The following TRPV4 variants were observed in gnomAD, a reference collection of about 807,000 sequenced individuals.
The protein encoded by TRPV4 is OSM9-like transient receptor potential channel 4.
A neutral mutation model predicts 84.1 loss-of-function variants in TRPV4; 58 were observed. The observed-to-expected ratio is 0.69, with a 90% confidence interval of 0.56 to 0.86. TRPV4 has a LOEUF of 0.86. TRPV4 is among the 40% of genes least tolerant of loss of function. The pLI, the probability that TRPV4 is intolerant of heterozygous loss-of-function variation, is 0.00. For synonymous variants in TRPV4, 489 were observed against 500.9 expected (o/e 0.98, Z 0.32); for missense variants, 879 against 1,181.1 (o/e 0.74, Z 3.75).
chr12:109,783,798 G>A lies in TRPV4; in HGVS notation c.2459-20C>T. 6.2e-7 allele frequency: 1 copy of A among 1,609,882 alleles called. No homozygotes were observed. The highest frequency in any genetic ancestry group is 8.5e-7 in the Non-Finnish European group (1 of 1,179,914). On this transcript the variant is annotated intron_variant, in intron 15 of 15. Coordinates refer to ENST00000261740, the MANE Select transcript of TRPV4 (RefSeq NM_021625.5). The surrounding 1 kb of genome is among the most constrained non-coding windows in gnomAD (Gnocchi z 4.6). ...AGCGATCTGCACCGAGAGCACATCA[G>A]AGGGAGGGGTGGGGGTTGGTGGAGA... is the stretch of plus-strand genomic sequence containing the variant.
intron 1 of TRPV4, among the ~76,000 whole-genome samples, 158 bp downstream of exon 1, chr12:109,833,192 C>G (rs1484618758): frequency 6.6e-6 from 1 of 152,230 alleles, no homozygotes; most frequent in African/African-American, 2.4e-5. Context: ...AGCTGAGAGG[C>G]TGGCGCCTGC....
intron 1 of TRPV4, among the ~76,000 whole-genome samples, chr12:109,828,362 A>G (rs549398117): frequency 8.5e-4 from 130 of 152,190 alleles, no homozygotes; most frequent in Middle Eastern, 3.4e-3. Context: ...GGGGAAACCA[A>G]TGCTCAGGAA....
At chr12:109,809,061 TCATC>T (rs1240315463) in intron 2 of TRPV4, among the ~76,000 whole-genome samples, 3 of 123,038 alleles carry the variant, frequency 2.4e-5, no homozygotes, top group Non-Finnish European at 5.0e-5. Flanking sequence ...CATCCATCAC[TCATC>T]CATCCATCTG....
At position 109,814,872 on chromosome 12, in the gene TRPV4, C is replaced by G; in HGVS notation, c.-31-45G>C. 2 of 1,518,924 alleles carry G rather than the reference C, an allele frequency of 1.3e-6. No homozygotes were observed. The highest frequency in any genetic ancestry group is 1.8e-6 in the Non-Finnish European group (2 of 1,135,568). The allele number at this position is 1,518,924 out of a possible 1,614,324, so 94.1% of individuals were successfully genotyped here. A position where few individuals can be genotyped will look rare whatever the true frequency, so the allele number is the denominator to read the frequency against. On this transcript the variant is annotated intron_variant, in intron 1 of 15. Coordinates refer to ENST00000261740, the MANE Select transcript of TRPV4 (RefSeq NM_021625.5). This position sits in a 1 kb window ranked among gnomAD's most constrained non-coding sequence, Gnocchi z 5.4. ...GAGTCAGGCAGAACCCGGCCAGGGGCGGGGGCTCCAGGAAGCCCCCTCCCA... is the reference window on the plus strand; with the variant it reads ...GAGTCAGGCAGAACCCGGCCAGGGGGGGGGGCTCCAGGAAGCCCCCTCCCA...
At chr12:109,826,642 C>A (rs531919926) in intron 1 of TRPV4, among the ~76,000 whole-genome samples, 2 of 152,204 alleles carry the variant, frequency 1.3e-5, no homozygotes, top group South Asian at 4.1e-4. Context: ...TGGGGGCTAC[C>A]ATGCCCTCTC....
intron 14 of TRPV4, among the ~76,000 whole-genome samples, chr12:109,785,568 G>A (rs1247907017): frequency 6.6e-6 from 1 of 151,898 alleles, no homozygotes; most frequent in African/African-American, 2.4e-5. Flanking sequence ...ACAGGTGCAT[G>A]CCACCACTCC....
Position 109,784,523 on chromosome 12 carries a change from T to A in TRPV4, c.2337-86A>T, listed in dbSNP as rs1889558677. 2.5e-6 allele frequency: 4 copies of A among 1,601,992 alleles called. No individual in the cohort carries two copies. In the Admixed American group the frequency reaches 6.7e-5, roughly 27 times the overall value. ...TCCCCAGCACACCCTCCTATTTTTTTATTATGGTAACATATACATAACAAG... is the reference window on the plus strand; with the variant it reads ...TCCCCAGCACACCCTCCTATTTTTTAATTATGGTAACATATACATAACAAG... On this transcript the variant is annotated intron_variant, in intron 14 of 15. Coordinates refer to ENST00000261740, the MANE Select transcript of TRPV4 (RefSeq NM_021625.5).
rs547174617 is a variant in TRPV4, at chr12:109,825,717, C to T, written c.-32+7633G>A. Among the ~76,000 whole-genome samples, 5 of 152,334 alleles carry T rather than the reference C, an allele frequency of 3.3e-5. No homozygotes were observed. In the East Asian group the frequency reaches 9.6e-4, roughly 29 times the overall value. On this transcript the variant is annotated intron_variant, in intron 1 of 15. Transcript: ENST00000261740. ...GGACCAGAAGGGACAGGACACTCGT[C>T]CATGCATACGTTCCTCTACCCCACT... is the stretch of plus-strand genomic sequence containing the variant.
intron 1 of TRPV4, among the ~76,000 whole-genome samples, chr12:109,830,351 G>C (rs1892378543): frequency 6.6e-6 from 1 of 152,200 alleles, no homozygotes; most frequent in African/African-American, 2.4e-5. Context: ...AAATAGTTTT[G>C]TATCCAAATG....
chr12:109,795,810 T>A (rs925895750), intron 7 of TRPV4, among the ~76,000 whole-genome samples: 18 of 152,276 alleles, frequency 1.2e-4, no homozygotes, highest in African/African-American at 4.3e-4. Context: ...TGCAGTGGCA[T>A]GATCTCGGCT....
intron 1 of TRPV4, chr12:109,832,233 T>G (rs1294060592): frequency 1.3e-5 from 2 of 152,326 alleles, no homozygotes; most frequent in Non-Finnish European, 2.9e-5. Flanking sequence ...GCCCCGCAGA[T>G]AACCCAGGCC....
In TRPV4 at chr12:109,783,817, G is replaced by T. The variant is rs754871908; in HGVS notation, c.2459-39C>A. 2 of 1,604,836 alleles carry T rather than the reference G, an allele frequency of 1.2e-6. No homozygotes were observed. The highest frequency in any genetic ancestry group is 1.7e-6 in the Non-Finnish European group (2 of 1,179,520). On this transcript the variant is annotated intron_variant, in intron 15 of 15. Coordinates refer to ENST00000261740, the MANE Select transcript of TRPV4 (RefSeq NM_021625.5). This position sits in a 1 kb window ranked among gnomAD's most constrained non-coding sequence, Gnocchi z 4.6. ...ACATCAGAGGGAGGGGTGGGGGTTGGTGGAGAGAGAGCGTGCGTATATTGA... is the reference window on the plus strand; with the variant it reads ...ACATCAGAGGGAGGGGTGGGGGTTGTTGGAGAGAGAGCGTGCGTATATTGA...
Position 109,794,547 on chromosome 12 carries a change from G to T in TRPV4, c.1333-60C>A, listed in dbSNP as rs988935317. 119 of 1,587,952 alleles carry T rather than the reference G, an allele frequency of 7.5e-5. 1 individual carries two copies. The highest frequency in any genetic ancestry group is 1.7e-4 in the Middle Eastern group (1 of 5,868). On this transcript the variant is annotated intron_variant, in intron 7 of 15. Coordinates refer to ENST00000261740, the MANE Select transcript of TRPV4 (RefSeq NM_021625.5). Reference sequence around the variant, plus strand: ...TGAGATGGGTGGGGGGTCCAGGCAGGCTGCCTCGGGTGTGCCTTCCCCCAC... The same window carrying T: ...TGAGATGGGTGGGGGGTCCAGGCAGTCTGCCTCGGGTGTGCCTTCCCCCAC...
chr12:109,800,553 G>A (rs1256742656), intron 5 of TRPV4, 65 bp downstream of exon 5: 2 of 1,599,738 alleles, frequency 1.3e-6, no homozygotes, highest in African/African-American at 1.3e-5. Flanking sequence ...ACACCAACCA[G>A]TATCATGCTA....
At position 109,796,572 on chromosome 12, in the gene TRPV4, C is replaced by T. The variant is rs879254080; in HGVS notation, c.1285G>A (p.Glu429Lys). The change falls in exon 7 of 16, where the codon GAA becomes AAA. Residue 429 changes from glutamate to lysine, a missense_variant. Physicochemically the swap from Glu to Lys is moderately conservative, Grantham distance 56. Transcript: ENST00000261740. This position sits in a 1 kb window ranked among gnomAD's most constrained non-coding sequence, Gnocchi z 4.2. ...AGGATCTCCAGCACGGAGGCCTCTT[C>T]CCCACACGTGTCCAGGGAGGAGAGG... ...YDLSSLDTCGEEASVLEILVY... is the reference protein window; with the variant it reads ...YDLSSLDTCGKEASVLEILVY... 1 of 1,614,076 alleles carries T rather than the reference C, an allele frequency of 6.2e-7. No homozygotes were observed. Among genetic ancestry groups the T allele is most frequent in the African/African-American group, 1.3e-5 (1 of 74,918 alleles).
intron 1 of TRPV4, among the ~76,000 whole-genome samples, chr12:109,828,701 A>G (rs1892334129): frequency 6.6e-6 from 1 of 152,166 alleles, no homozygotes; most frequent in African/African-American, 2.4e-5. Context: ...CAAGAAGCTA[A>G]GCTGGCCACT....
chr12:109,824,211 C>T (rs549571506), intron 1 of TRPV4, among the ~76,000 whole-genome samples: 6 of 152,102 alleles, frequency 3.9e-5, no homozygotes, highest in Admixed American at 1.3e-4. Flanking sequence ...GTGATCCGAC[C>T]GCCTCGGCCT....
Position 109,786,888 on chromosome 12 carries a change from C to A in TRPV4, c.2209-51G>T. 1 of 1,610,866 alleles carries A rather than the reference C, an allele frequency of 6.2e-7. No homozygotes were observed. Among genetic ancestry groups the A allele is most frequent in the Non-Finnish European group, 8.5e-7 (1 of 1,178,316 alleles). The stretch of plus-strand genomic sequence containing the variant: ...ACATCGGTGAGCCTCACAGCCTGCG[C>A]CTGCCGCTCTGGTGGCAGAAATGAG... On this transcript the variant is annotated intron_variant, in intron 13 of 15. Coordinates refer to ENST00000261740, the MANE Select transcript of TRPV4 (RefSeq NM_021625.5). The surrounding 1 kb of genome is among the most constrained non-coding windows in gnomAD (Gnocchi z 4.5).
chr12:109,789,755 TG>T (rs1338454079), intron 12 of TRPV4, among the ~76,000 whole-genome samples: 3 of 152,228 alleles, frequency 2.0e-5, no homozygotes, highest in Non-Finnish European at 4.4e-5. Flanking sequence ...CATATGCTAA[TG>T]TTCTTCAGTT....
Sources: allele counts gnomAD v4.1 joint callset (sites outside exome capture counted in the v4.1 genomes callset), GRCh38; gene constraint gnomAD v4.1.1; non-coding constraint Gnocchi (gnomAD v3.1); transcripts MANE v1.5; gene names NCBI Gene and HGNC (gene_info 2026-07-23, HGNC 2026-07-21).